The following GSDMC variants were observed in gnomAD, a reference collection of about 807,000 sequenced individuals.
GSDMC encodes gasdermin-C.
In GSDMC, 59 loss-of-function variants were observed where a neutral mutation model predicts 58.0. The ratio of observed to expected loss-of-function variants is 1.02; its 90% confidence interval spans 0.82 to 1.26. The LOEUF (loss-of-function observed/expected upper bound fraction) is 1.26. Ranked by LOEUF, GSDMC falls within the 50% of genes most tolerant of loss-of-function variation. The pLI, the probability that GSDMC is intolerant of heterozygous loss-of-function variation, is 0.00. For missense variants in GSDMC, 659 were observed against 598.5 expected (o/e 1.10, Z -1.06); for synonymous variants, 241 against 220.2 (o/e 1.09, Z -0.83).
chr8:129,729,963 G>C, the GSDMC span: 1 of 1,512,170 alleles, frequency 6.6e-7, no homozygotes, highest in Non-Finnish European at 9.2e-7. Flanking sequence ...TGCGGGGGCA[G>C]CATGTAAATA....
intron 1 of GSDMC, among the ~76,000 whole-genome samples, chr8:129,785,766 A>G (rs530687827): frequency 2.0e-5 from 3 of 152,246 alleles, no homozygotes; most frequent in South Asian, 4.1e-4. Flanking sequence ...GGACAAGCAG[A>G]GAATAATGAG....
intron 3 of GSDMC, among the ~76,000 whole-genome samples, chr8:129,774,805 T>C (rs1241503926): frequency 6.6e-6 from 1 of 152,040 alleles, no homozygotes; most frequent in Non-Finnish European, 1.5e-5. Flanking sequence ...GACATAGAAA[T>C]AAGCTAACAG....
downstream of GSDMC, among the ~76,000 whole-genome samples, chr8:129,743,236 G>A (rs1273819242): frequency 6.6e-6 from 1 of 152,128 alleles, no homozygotes; most frequent in East Asian, 1.9e-4. Context: ...CCAATTACAT[G>A]TGTTATATCG....
the GSDMC span, among the ~76,000 whole-genome samples, chr8:129,712,126 T>G: frequency 6.6e-6 from 1 of 152,142 alleles, no homozygotes; most frequent in Admixed American, 6.6e-5. Flanking sequence ...AGAATAATAA[T>G]AACAATAATA....
At position 129,776,167 on chromosome 8, in the gene GSDMC, A is replaced by G. The variant is rs770467709; in HGVS notation, c.339T>C (p.His113=). Residue 113 remains histidine, a synonymous_variant, in exon 3 of 14, where the codon CAT becomes CAC. Coordinates refer to ENST00000276708, the MANE Select transcript of GSDMC (RefSeq NM_031415.3). Reference sequence around the variant, plus strand: ...CAATTTGAAACTCGAGGGAGCATCCATGGTCCACAGAGGCCTCCCCTGACA... The same window carrying G: ...CAATTTGAAACTCGAGGGAGCATCCGTGGTCCACAGAGGCCTCCCCTGACA... ...VSVSGEASVD[H]GCSLEFQIVT... 2.5e-6 allele frequency: 4 copies of G among 1,614,048 alleles called. No individual in the cohort carries two copies. The highest frequency in any genetic ancestry group is 3.4e-6 in the Non-Finnish European group (4 of 1,179,924).
chr8:129,731,468 T>A, the GSDMC span, among the ~76,000 whole-genome samples: 2 of 152,160 alleles, frequency 1.3e-5, no homozygotes, highest in Non-Finnish European at 2.9e-5. Flanking sequence ...GTCAAGGTTC[T>A]CCAGAGAAAC....
chr8:129,729,952 C>G, the GSDMC span: 2 of 1,509,256 alleles, frequency 1.3e-6, no homozygotes, highest in Non-Finnish European at 9.2e-7. Flanking sequence ...GCCAGTGGAG[C>G]TGCGGGGGCA....
At chr8:129,751,722 TG>T in intron 9 of GSDMC, 139 bp downstream of exon 9, 1 of 1,137,626 alleles carries the variant, frequency 8.8e-7, no homozygotes, top group Non-Finnish European at 1.3e-6. Flanking sequence ...CTCAGCTTTC[TG>T]GACCCTTCCC....
intron 13 of GSDMC, 105 bp from the exon 14 acceptor site, chr8:129,748,845 A>AT: frequency 2.2e-6 from 2 of 910,204 alleles, no homozygotes; most frequent in Non-Finnish European, 3.1e-6. Flanking sequence ...AAGGAGCAAG[A>AT]GCTTTGGGAT....
chr8:129,735,003 A>G, the GSDMC span, among the ~76,000 whole-genome samples: 1 of 152,206 alleles, frequency 6.6e-6, no homozygotes, highest in Non-Finnish European at 1.5e-5. Context: ...AGGGGTTGCA[A>G]TCCTAGTCTC....
the GSDMC span, among the ~76,000 whole-genome samples, chr8:129,716,582 C>T: frequency 3.3e-5 from 5 of 152,200 alleles, no homozygotes; most frequent in African/African-American, 7.2e-5. Flanking sequence ...ACTTGACTTC[C>T]TCTCTTCCTA....
At chr8:129,758,088 TTA>T in intron 6 of GSDMC, among the ~76,000 whole-genome samples, 1 of 152,240 alleles carries the variant, frequency 6.6e-6, no homozygotes, top group Non-Finnish European at 1.5e-5. Flanking sequence ...ATGTGATACA[TTA>T]TATCAACAGA....
chr8:129,750,406 C>T, intron 11 of GSDMC, 25 bp downstream of exon 11: 1 of 1,607,052 alleles, frequency 6.2e-7, no homozygotes, highest in Non-Finnish European at 8.5e-7. Context: ...TTTTACCAGA[C>T]CTATGCAACT....
chr8:129,706,228 A>G, the GSDMC span, among the ~76,000 whole-genome samples: 1 of 152,204 alleles, frequency 6.6e-6, no homozygotes, highest in Non-Finnish European at 1.5e-5. Context: ...CACCAAAAAA[A>G]GTCAGAGGAA....
downstream of GSDMC, among the ~76,000 whole-genome samples, chr8:129,743,872 A>G (rs566034096): frequency 6.6e-6 from 1 of 152,328 alleles, no homozygotes; most frequent in East Asian, 1.9e-4. Context: ...AGTTCTGTCC[A>G]TGGTAGCTGG....
At chr8:129,773,964 T>C (rs2034141261) in intron 3 of GSDMC, among the ~76,000 whole-genome samples, 2 of 152,110 alleles carry the variant, frequency 1.3e-5, no homozygotes, top group Non-Finnish European at 2.9e-5. Context: ...GAAGAATTAA[T>C]ATTATTAAAA....
intron 6 of GSDMC, among the ~76,000 whole-genome samples, chr8:129,756,455 T>C (rs1231185247): frequency 6.6e-6 from 1 of 152,070 alleles, no homozygotes; most frequent in African/African-American, 2.4e-5. Context: ...CAGTAATAGG[T>C]GGAGACCTCA....
intron 2 of GSDMC, among the ~76,000 whole-genome samples, chr8:129,776,940 T>TG (rs1237810121): frequency 6.6e-6 from 1 of 151,494 alleles, no homozygotes; most frequent in African/African-American, 2.4e-5. Flanking sequence ...TTTTTTTTTT[T>TG]TGTATTTTTA....
the GSDMC span, among the ~76,000 whole-genome samples, chr8:129,711,195 C>T: frequency 6.6e-6 from 1 of 152,212 alleles, no homozygotes; most frequent in Non-Finnish European, 1.5e-5. Flanking sequence ...TGAATTTTTT[C>T]ACTTGATCTT....
Sources: allele counts gnomAD v4.1 joint callset (sites outside exome capture counted in the v4.1 genomes callset), GRCh38; gene constraint gnomAD v4.1.1; transcripts MANE v1.5; gene names NCBI Gene and HGNC (gene_info 2026-07-23, HGNC 2026-07-21).